Variants in MFAP3L observed in about 807,000 individuals in gnomAD.
MFAP3L encodes microfibrillar-associated protein 3-like.
A neutral mutation model predicts 20.0 loss-of-function variants in MFAP3L; 5 were observed. That is an observed-to-expected ratio of 0.25 (90% CI 0.13 to 0.53). The LOEUF is 0.53. MFAP3L is among the 20% of genes least tolerant of loss of function. The pLI is 0.96. For synonymous variants in MFAP3L, 219 were observed against 213.0 expected (o/e 1.03, Z -0.25); for missense variants, 409 against 527.5 (o/e 0.78, Z 2.20).
At position 169,991,428 on chromosome 4, in the gene MFAP3L, C is replaced by T; in HGVS notation, c.1180G>A (p.Ala394Thr). The T allele has an allele frequency of 6.2e-7, 1 of 1,614,132 alleles. No individual in the cohort carries two copies. Among genetic ancestry groups the T allele is most frequent in the Non-Finnish European group, 8.5e-7 (1 of 1,180,018 alleles). Residue 394 changes from alanine (A) to threonine (T), a missense_variant, in exon 3 of 3, where the codon GCA (alanine) becomes ACA (threonine). By Grantham distance (58) the Ala-to-Thr change is moderately conservative. Transcript: ENST00000361618. This position sits in a 1 kb window ranked among gnomAD's most constrained non-coding sequence, Gnocchi z 4.9. The part of the protein sequence containing the change: ...PPAYLEATEP[A>T]VTHDKNTCII... ...CAGGTGTTTTTGTCATGTGTCACTG[C>T]TGGCTCTGTGGCTTCCAGGTAAGCT... is the stretch of plus-strand genomic sequence containing the variant.
At chr4:169,994,370 A>C (rs1737975748) in intron 2 of MFAP3L, 1 of 985,022 alleles carries the variant, frequency 1.0e-6, no homozygotes, top group African/African-American at 1.7e-5. Context: ...TGGGTACAGA[A>C]GAGGAGAACA....
intron 1 of MFAP3L, among the ~76,000 whole-genome samples, chr4:170,023,189 C>T (rs2111083412): frequency 6.6e-6 from 1 of 152,304 alleles, no homozygotes. Context: ...ATTTCCCCGC[C>T]TCCTCAGTCC....
chr4:170,008,558 T>C (rs553479121), intron 1 of MFAP3L, among the ~76,000 whole-genome samples: 61 of 152,264 alleles, frequency 4.0e-4, no homozygotes, highest in Non-Finnish European at 7.5e-4. Flanking sequence ...TACAGATAAC[T>C]TCAATATGTT....
intron 2 of MFAP3L, among the ~76,000 whole-genome samples, chr4:169,996,644 G>A (rs1218337724): frequency 6.6e-6 from 1 of 152,176 alleles, no homozygotes; most frequent in Non-Finnish European, 1.5e-5. Context: ...GAGCACAAGA[G>A]AGAACACTGT....
rs779772218 is a variant in MFAP3L at position 169,992,096 on chromosome 4, C to T, written c.512G>A (p.Arg171His). The change falls in exon 3 of 3, where the codon CGC becomes CAC. Residue 171 changes from arginine (R) to histidine (H), a missense_variant. Coordinates refer to ENST00000361618, the MANE Select transcript of MFAP3L (RefSeq NM_021647.8). This position sits in a 1 kb window ranked among gnomAD's most constrained non-coding sequence, Gnocchi z 4.3. ...TAGATGGCTGCTCATCATGCACAGGCGGGTGATATTGAGGACCATGACGAT... is the reference window on the plus strand; with the variant it reads ...TAGATGGCTGCTCATCATGCACAGGTGGGTGATATTGAGGACCATGACGAT... Reference protein sequence around the residue: ...FTIVMVLNITRLCMMSSHLKK... With the variant: ...FTIVMVLNITHLCMMSSHLKK... 6.2e-6 allele frequency: 10 copies of T among 1,613,998 alleles called. No individual in the cohort carries two copies. The highest frequency in any genetic ancestry group is 2.2e-5 in the East Asian group (1 of 44,886).
At chr4:170,025,887 C>T (rs1730351431) in intron 1 of MFAP3L, among the ~76,000 whole-genome samples, 1 of 152,200 alleles carries the variant, frequency 6.6e-6, no homozygotes, top group Admixed American at 6.5e-5. Context: ...GCGAAAGCCC[C>T]CACGGCTGTT....
At chr4:170,000,244 G>A (rs933131977) in intron 2 of MFAP3L, among the ~76,000 whole-genome samples, 2 of 152,196 alleles carry the variant, frequency 1.3e-5, no homozygotes, top group African/African-American at 4.8e-5. Context: ...CAAACTCACT[G>A]TCATAGCAGT....
In MFAP3L at chr4:169,991,565, A is replaced by C. The variant is rs540620680; in HGVS notation, c.1043T>G (p.Leu348Arg). 4 of 1,614,142 alleles carry C rather than the reference A, an allele frequency of 2.5e-6. No homozygotes were observed. The highest frequency in any genetic ancestry group is 3.4e-6 in the Non-Finnish European group (4 of 1,180,028). Reference protein sequence around the residue: ...FEVKDVEETELSAEHSPETAE... With the variant: ...FEVKDVEETERSAEHSPETAE... ...AGTTTCGGGGGAATGTTCCGCCGAC[A>C]GTTCTGTCTCCTCTACATCTTTGAC... Residue 348 changes from leucine to arginine, a missense_variant, in exon 3 of 3, where the codon CTG (leucine) becomes CGG (arginine). Leu to Arg is a moderately radical substitution (Grantham distance 102). Coordinates refer to ENST00000361618, the MANE Select transcript of MFAP3L (RefSeq NM_021647.8). This position sits in a 1 kb window ranked among gnomAD's most constrained non-coding sequence, Gnocchi z 4.9.
chr4:170,009,854 AC>A lies in MFAP3L; in HGVS notation c.-133-3845del, dbSNP rs1739267136. ...TATTTCTGGAGCTAGAAGGAAAAGGACCTCTTGTGTAAGGGGTGTTTTGTAC... is the reference window on the plus strand; with the variant it reads ...TATTTCTGGAGCTAGAAGGAAAAGGACTCTTGTGTAAGGGGTGTTTTGTAC... On this transcript the variant is annotated intron_variant, in intron 1 of 2. Coordinates refer to ENST00000361618, the MANE Select transcript of MFAP3L (RefSeq NM_021647.8). 2.0e-5 allele frequency among the ~76,000 whole-genome samples: 3 copies of A among 151,992 alleles called. No homozygotes were observed. In the South Asian group the frequency reaches 6.2e-4, roughly 32 times the overall value.
upstream of MFAP3L, among the ~76,000 whole-genome samples, chr4:170,026,602 G>A (rs1298067566): frequency 6.6e-6 from 1 of 151,870 alleles, no homozygotes; most frequent in African/African-American, 2.4e-5. Flanking sequence ...GGAGGCTGTA[G>A]TTGCCGGGGA....
chr4:169,998,255 A>G (rs1344854019), intron 2 of MFAP3L, among the ~76,000 whole-genome samples: 1 of 152,264 alleles, frequency 6.6e-6, no homozygotes, highest in Non-Finnish European at 1.5e-5. Flanking sequence ...GAGAGAACAG[A>G]TCAATAGCAT....
intron 2 of MFAP3L, among the ~76,000 whole-genome samples, chr4:170,004,239 A>C (rs1017454913): frequency 2.0e-5 from 3 of 151,028 alleles, no homozygotes; most frequent in African/African-American, 5.0e-5. Flanking sequence ...TTACAGGCCT[A>C]GTCATAGCCA....
chr4:170,005,568 T>C lies in MFAP3L; in HGVS notation c.298+12A>G. On this transcript the variant is annotated intron_variant, in intron 2 of 2. Coordinates refer to ENST00000361618, the MANE Select transcript of MFAP3L (RefSeq NM_021647.8). The stretch of plus-strand genomic sequence containing the variant: ...ATTTTATTATGACATTTGATACAAC[T>C]TTAAAGCCTACCTCCTCCTCTCTCC... 1 of 1,612,278 alleles carries C rather than the reference T, an allele frequency of 6.2e-7. No homozygotes were observed. Among genetic ancestry groups the C allele is most frequent in the South Asian group, 1.1e-5 (1 of 91,026 alleles).
In MFAP3L at chr4:169,992,030, T is replaced by C; in HGVS notation, c.578A>G (p.Glu193Gly). 1.9e-6 allele frequency: 3 copies of C among 1,614,184 alleles called. No homozygotes were observed. The highest frequency in any genetic ancestry group is 2.5e-6 in the Non-Finnish European group (3 of 1,180,052). Residue 193 changes from glutamate to glycine, a missense_variant, in exon 3 of 3, where the codon GAA becomes GGA. This residue lies in a region of MFAP3L where 127 missense variants were observed against 218.1 expected (regional missense o/e 0.58). Transcript: ENST00000361618. The surrounding 1 kb of genome is among the most constrained non-coding windows in gnomAD (Gnocchi z 4.3). ...TGCCTTCTGCAGCTTCTCTGCACCT[T>C]CGGTCCTAAAGAACTCATTGATGGC... The part of the protein sequence containing the change: ...EKAINEFFRT[E>G]GAEKLQKAFE...
At chr4:170,020,419 C>A (rs2111071534) in intron 1 of MFAP3L, among the ~76,000 whole-genome samples, 1 of 152,346 alleles carries the variant, frequency 6.6e-6, no homozygotes, top group Non-Finnish European at 1.5e-5. Flanking sequence ...TCCTTCCTTG[C>A]CGACCTGCCT....
chr4:170,004,530 C>A (rs1738904076), intron 2 of MFAP3L, among the ~76,000 whole-genome samples: 1 of 152,206 alleles, frequency 6.6e-6, no homozygotes, highest in Admixed American at 6.5e-5. Context: ...GGCTAGCAGC[C>A]TCAACCATTC....
At chr4:170,021,928 G>A (rs1334545830) in intron 1 of MFAP3L, among the ~76,000 whole-genome samples, 1 of 152,128 alleles carries the variant, frequency 6.6e-6, no homozygotes, top group Non-Finnish European at 1.5e-5. Context: ...AGCTGAACCA[G>A]TACAAGCCCA....
intron 2 of MFAP3L, among the ~76,000 whole-genome samples, chr4:169,999,520 T>C (rs1294107550): frequency 6.6e-6 from 1 of 152,176 alleles, no homozygotes; most frequent in African/African-American, 2.4e-5. Context: ...GGGCTCATAA[T>C]AGTCTTTTCT....
At chr4:170,022,759 G>A (rs568972538) in intron 1 of MFAP3L, among the ~76,000 whole-genome samples, 22 of 152,228 alleles carry the variant, frequency 1.4e-4, no homozygotes, top group Admixed American at 2.6e-4. Flanking sequence ...CTTTGAAGAC[G>A]GATGGGGCTA....
Sources: gnomAD v4.1 joint callset for allele counts (sites outside exome capture counted in the v4.1 genomes callset) on GRCh38, gnomAD v4.1.1 for gene constraint, gnomAD v4.1.1 regional missense constraint, Gnocchi (gnomAD v3.1) non-coding constraint, MANE v1.5 for transcripts, NCBI Gene and HGNC (gene_info 2026-07-23, HGNC 2026-07-21) for gene names.